The following CEP57 variants were observed in gnomAD, a reference collection of about 807,000 sequenced individuals.
The protein encoded by CEP57 is centrosomal protein 57.
A neutral mutation model predicts 68.0 loss-of-function variants in CEP57; 40 were observed. The ratio of observed to expected loss-of-function variants is 0.59; its 90% CI spans 0.46 to 0.77. The LOEUF is 0.77. Among genes scored for constraint, CEP57 ranks in the 30% least tolerant of loss-of-function variants. The probability of loss-of-function intolerance (pLI) is 0.00; values close to 1 mark genes in which losing one functional copy is unlikely to be tolerated. For synonymous variants in CEP57, 219 were observed against 198.7 expected, an observed-to-expected ratio of 1.10 and a Z score of -0.86; for missense variants, 606 against 580.7, an observed-to-expected ratio of 1.04 and a Z score of -0.45.
intron 8 of CEP57, 115 bp downstream of exon 8, chr11:95,822,691 G>A (rs1862566701): frequency 1.1e-6 from 1 of 910,654 alleles, no homozygotes; most frequent in African/African-American, 1.6e-5. Context: ...CTTTACCAGT[G>A]TGTGGATCAC....
At chr11:95,818,760 C>A in intron 5 of CEP57, 67 bp from the exon 6 acceptor site, 1 of 1,190,666 alleles carries the variant, frequency 8.4e-7, no homozygotes, top group Non-Finnish European at 1.3e-6. Flanking sequence ...TCCAGTGCTG[C>A]TATATTAAAA....
intron 2 of CEP57, among the ~76,000 whole-genome samples, chr11:95,809,274 A>G (rs1266470544): frequency 6.6e-6 from 1 of 152,196 alleles, no homozygotes; most frequent in Non-Finnish European, 1.5e-5. Flanking sequence ...TTGACACCCT[A>G]ACATCACAAT....
chr11:95,818,004 C>T lies in CEP57; in HGVS notation c.621+101C>T, dbSNP rs559207337. On this transcript the variant is annotated intron_variant, in intron 5 of 10. Transcript: ENST00000325542. ...GGATATTTATAGCATTAAAAGTGAT[C>T]TTATAATGAAGAAATATATTGGAGT... 2.0e-4 allele frequency: 147 copies of T among 752,660 alleles called. No individual in the cohort carries two copies. The African/African-American group carries it at 2.3e-3, about 12-fold the overall frequency. The allele number at this position is 752,660 out of a possible 1,614,324, so 46.6% of individuals were successfully genotyped here. A position where few individuals can be genotyped will look rare whatever the true frequency, so the allele number is the denominator to read the frequency against.
intron 6 of CEP57, among the ~76,000 whole-genome samples, chr11:95,819,330 C>A (rs868835859): frequency 1.3e-5 from 2 of 152,200 alleles, no homozygotes; most frequent in Middle Eastern, 6.8e-3. Flanking sequence ...AGCTATTGAC[C>A]CAGACCAGTT....
chr11:95,831,111 G>A lies in CEP57; in HGVS notation c.1358G>A (p.Arg453His), dbSNP rs371631321. Residue 453 changes from arginine (R) to histidine (H), a missense_variant, in exon 11 of 11, where the codon CGT becomes CAT. By Grantham distance (29) the Arg-to-His change is conservative. Transcript: ENST00000325542. Reference sequence around the variant, plus strand: ...GATGAAGAAAGAAACAGCAGCAGCCGTTCTGGAATCACAGGGACCACAAAT... The same window carrying A: ...GATGAAGAAAGAAACAGCAGCAGCCATTCTGGAATCACAGGGACCACAAAT... The part of the protein sequence containing the change: ...TLDEERNSSS[R>H]SGITGTTNKK... 5.3e-5 allele frequency: 85 copies of A among 1,613,342 alleles called. No homozygotes were observed. The highest frequency in any genetic ancestry group is 1.6e-4 in the Middle Eastern group (1 of 6,078).
rs1421252185 is a variant in CEP57, at chr11:95,831,624, T to C, written c.*368T>C. ...TTTAAATTTTCAAAATATGAGACTA[T>C]GCTATAGGCAGTGCTTGCTTGAAAA... On this transcript the variant is annotated 3_prime_UTR_variant, in exon 11 of 11. Coordinates refer to ENST00000325542, the MANE Select transcript of CEP57 (RefSeq NM_014679.5). The C allele has an allele frequency of 6.4e-6, 1 of 156,120 alleles. No homozygotes were observed. The highest frequency in any genetic ancestry group is 2.4e-5 in the African/African-American group (1 of 41,462). The allele number at this position is 156,120 out of a possible 1,614,324, so 9.7% of individuals were successfully genotyped here. A position where few individuals can be genotyped will look rare whatever the true frequency, so the allele number is the denominator to read the frequency against.
intron 8 of CEP57, among the ~76,000 whole-genome samples, chr11:95,824,830 C>T (rs1223484639): frequency 6.6e-6 from 1 of 152,148 alleles, no homozygotes. Context: ...ATCCCTGAGC[C>T]TTCAAGGGGA....
At chr11:95,816,233 A>C (rs560511420) in intron 4 of CEP57, among the ~76,000 whole-genome samples, 2 of 152,078 alleles carry the variant, frequency 1.3e-5, no homozygotes, top group Admixed American at 6.6e-5. Context: ...AGGTGGGGAA[A>C]AGCCCCTATT....
intron 2 of CEP57, among the ~76,000 whole-genome samples, chr11:95,807,529 C>G (rs948883750): frequency 6.6e-6 from 1 of 152,132 alleles, no homozygotes; most frequent in African/African-American, 2.4e-5. Context: ...CTTAAATGAC[C>G]TGATGGAGCT....
At chr11:95,824,725 A>G (rs1862666177) in intron 8 of CEP57, among the ~76,000 whole-genome samples, 1 of 152,248 alleles carries the variant, frequency 6.6e-6, no homozygotes, top group Non-Finnish European at 1.5e-5. Context: ...AGTCAGCACC[A>G]GGATTTAAGG....
At chr11:95,829,133 C>G (rs1313750799) in intron 9 of CEP57, 54 bp from the exon 10 acceptor site, 2 of 1,594,150 alleles carry the variant, frequency 1.3e-6, no homozygotes, top group African/African-American at 2.7e-5. Flanking sequence ...TATAATAGAC[C>G]TAACCATGAA....
At chr11:95,817,556 A>C (rs1862349857) in intron 4 of CEP57, among the ~76,000 whole-genome samples, 1 of 152,174 alleles carries the variant, frequency 6.6e-6, no homozygotes, top group African/African-American at 2.4e-5. Context: ...AGATAATGTC[A>C]CTATATAAAA....
chr11:95,822,246 G>C, intron 7 of CEP57: 1 of 578,144 alleles, frequency 1.7e-6, no homozygotes. Context: ...ACAATGTTTT[G>C]TGTATATGTA....
At chr11:95,813,407 A>T (rs1862158773) in intron 3 of CEP57, 61 bp from the exon 4 acceptor site, 3 of 1,584,002 alleles carry the variant, frequency 1.9e-6, no homozygotes. Context: ...TCCTGTTAAC[A>T]GCTTGTTAAA....
intron 9 of CEP57, 30 bp from the exon 10 acceptor site, chr11:95,829,157 A>G: frequency 6.2e-7 from 1 of 1,612,440 alleles, no homozygotes; most frequent in Non-Finnish European, 8.5e-7. Context: ...CAGAAAACTT[A>G]ACCATGTTCT....
chr11:95,799,184 A>G (rs935031816), intron 1 of CEP57, 48 bp from the exon 2 acceptor site: 91 of 1,598,170 alleles, frequency 5.7e-5, no homozygotes, highest in Non-Finnish European at 7.7e-5. Flanking sequence ...TAAATCTGCT[A>G]TTTGTGGTTC....
chr11:95,809,860 A>G (rs1861974664), intron 2 of CEP57, among the ~76,000 whole-genome samples: 1 of 152,242 alleles, frequency 6.6e-6, no homozygotes, highest in South Asian at 2.1e-4. Flanking sequence ...TGAAGCCAGC[A>G]TCATCCTGAT....
At chr11:95,815,980 C>CT (rs947866175) in intron 4 of CEP57, among the ~76,000 whole-genome samples, 4 of 152,016 alleles carry the variant, frequency 2.6e-5, no homozygotes, top group Admixed American at 6.6e-5. Flanking sequence ...GTTCCTTTCT[C>CT]TTTTTTTTGT....
chr11:95,818,388 G>T (rs1862390769), intron 5 of CEP57, among the ~76,000 whole-genome samples: 2 of 148,830 alleles, frequency 1.3e-5, no homozygotes, highest in Admixed American at 1.3e-4. Context: ...TCCAGTCAGG[G>T]CAACAAGAGC....
Sources: allele counts gnomAD v4.1 joint callset (sites outside exome capture counted in the v4.1 genomes callset), GRCh38; gene constraint gnomAD v4.1.1; transcripts MANE v1.5; gene names NCBI Gene and HGNC (gene_info 2026-07-23, HGNC 2026-07-21).